Variants in ATRNL1 observed in about 807,000 individuals in gnomAD.
ATRNL1 encodes attractin like 1, also known as attractin-like protein 1.
ATRNL1 carries 95 observed loss-of-function variants against 182.7 expected under a neutral mutation model. The ratio of observed to expected loss-of-function variants is 0.52; its 90% CI spans 0.44 to 0.62. The LOEUF (loss-of-function observed/expected upper bound fraction) is 0.62, where lower values mean the gene tolerates loss of function less well. Among genes scored for constraint, ATRNL1 ranks in the 20% least tolerant of loss-of-function variants. The pLI is 0.00. For missense variants in ATRNL1, 1,471 were observed against 1,679.5 expected, an observed-to-expected ratio of 0.88 and a Z score of 2.17; for synonymous variants, 576 against 568.3, an observed-to-expected ratio of 1.01 and a Z score of -0.19.
intron 26 of ATRNL1, among the ~76,000 whole-genome samples, chr10:115,689,736 C>T (rs1326103374): frequency 6.6e-6 from 1 of 152,142 alleles, no homozygotes; most frequent in Admixed American, 6.5e-5. Flanking sequence ...AGTCAGAGAT[C>T]ACCATTCACA....
At chr10:115,345,693 T>A (rs1208311564) in intron 19 of ATRNL1, among the ~76,000 whole-genome samples, 1 of 152,198 alleles carries the variant, frequency 6.6e-6, no homozygotes. Flanking sequence ...TGTGTCTCTA[T>A]CACCTTTATC....
intron 18 of ATRNL1, among the ~76,000 whole-genome samples, chr10:115,325,290 A>G (rs1554932828): frequency 6.6e-6 from 1 of 152,142 alleles, no homozygotes; most frequent in African/African-American, 2.4e-5. Context: ...GAACCTTTCA[A>G]GCAACAATGT....
intron 21 of ATRNL1, among the ~76,000 whole-genome samples, chr10:115,442,072 A>G (rs1169727486): frequency 2.6e-5 from 4 of 152,066 alleles, no homozygotes; most frequent in African/African-American, 7.2e-5. Flanking sequence ...ACATTCTCCA[A>G]TCGGCCACCA....
chr10:115,140,546 AGAGAACAGT>A (rs1564768632), intron 5 of ATRNL1, among the ~76,000 whole-genome samples: 1 of 152,170 alleles, frequency 6.6e-6, no homozygotes, highest in Admixed American at 6.5e-5. Flanking sequence ...CCTATTCTAC[AGAGAACAGT>A]GAAAAACAGG....
intron 19 of ATRNL1, among the ~76,000 whole-genome samples, chr10:115,350,693 A>C (rs539818551): frequency 2.0e-4 from 31 of 152,266 alleles, no homozygotes; most frequent in African/African-American, 7.5e-4. Context: ...ATTCGAAGTC[A>C]GGTAATATGC....
intron 26 of ATRNL1, among the ~76,000 whole-genome samples, chr10:115,565,212 G>C (rs927152087): frequency 2.0e-5 from 3 of 151,892 alleles, no homozygotes; most frequent in African/African-American, 7.3e-5. Flanking sequence ...AGTAATATAA[G>C]GAAAATGACT....
chr10:115,377,320 T>C (rs1358785959), intron 19 of ATRNL1, among the ~76,000 whole-genome samples: 1 of 152,140 alleles, frequency 6.6e-6, no homozygotes, highest in Non-Finnish European at 1.5e-5. Context: ...TGGCTCTCCT[T>C]CTGTCTTGCT....
chr10:115,223,929 A>ATATATTTTTTTT lies in ATRNL1; in HGVS notation c.1532+8050_1532+8051insATATTTTTTTTT, dbSNP rs1420143943. On this transcript the variant is annotated intron_variant, in intron 9 of 28. Transcript: ENST00000355044. ...TGTGTGTGTGTATATATATATATAT[A>ATATATTTTTTTT]TTTTTTTTTTTTTTTTTTTTCTTTG... is the stretch of plus-strand genomic sequence containing the variant. Among the ~76,000 whole-genome samples the ATATATTTTTTTT allele has an allele frequency of 4.1e-3, 184 of 44,724 alleles. 2 individuals are homozygous for ATATATTTTTTTT. The highest frequency in any genetic ancestry group is 7.6e-3 in the African/African-American group (82 of 10,852). The allele number at this position is 44,724 out of a possible 152,430, so 29.3% of individuals were successfully genotyped here.
chr10:115,258,394 T>C (rs1001335765), intron 10 of ATRNL1, among the ~76,000 whole-genome samples: 1 of 152,148 alleles, frequency 6.6e-6, no homozygotes, highest in Non-Finnish European at 1.5e-5. Flanking sequence ...TTTCTTCTAC[T>C]TGATTGAATC....
intron 13 of ATRNL1, among the ~76,000 whole-genome samples, chr10:115,273,722 C>A (rs1851975717): frequency 6.6e-6 from 1 of 152,190 alleles, no homozygotes; most frequent in African/African-American, 2.4e-5. Context: ...TCTTCTCTTC[C>A]TCTGTCAAGT....
At chr10:115,176,214 C>T (rs372341641) in intron 8 of ATRNL1, among the ~76,000 whole-genome samples, 4 of 151,734 alleles carry the variant, frequency 2.6e-5, no homozygotes, top group Admixed American at 6.6e-5. Context: ...TAGCCCTTTG[C>T]CAGATGAGTA....
intron 26 of ATRNL1, among the ~76,000 whole-genome samples, chr10:115,702,469 C>G (rs1946768436): frequency 6.6e-6 from 1 of 151,860 alleles, no homozygotes. Context: ...AAGAATAAGT[C>G]AAATTATCTC....
At chr10:115,871,518 G>T (rs1951586197) in intron 28 of ATRNL1, among the ~76,000 whole-genome samples, 2 of 143,634 alleles carry the variant, frequency 1.4e-5, no homozygotes, top group Admixed American at 7.0e-5. Context: ...TTTTGACAAT[G>T]AACCATTTGA....
intron 26 of ATRNL1, among the ~76,000 whole-genome samples, chr10:115,681,782 C>A (rs143093023): frequency 3.4e-4 from 51 of 152,180 alleles, no homozygotes; most frequent in African/African-American, 1.2e-3. Flanking sequence ...TAAAAAAGAA[C>A]TTTCATGTAA....
At chr10:115,506,875 C>G (rs782425879) in intron 24 of ATRNL1, among the ~76,000 whole-genome samples, 3 of 152,050 alleles carry the variant, frequency 2.0e-5, no homozygotes, top group Admixed American at 6.6e-5. Context: ...TGTGAACCCC[C>G]AAAATCTGAG....
chr10:115,137,624 A>C (rs1346141559), intron 5 of ATRNL1, among the ~76,000 whole-genome samples: 12 of 152,200 alleles, frequency 7.9e-5, no homozygotes, highest in Admixed American at 7.9e-4. Context: ...TAAAACCATC[A>C]GATCTTGTGA....
intron 26 of ATRNL1, among the ~76,000 whole-genome samples, chr10:115,635,796 C>T (rs1163794568): frequency 2.0e-5 from 3 of 152,056 alleles, no homozygotes; most frequent in Non-Finnish European, 4.4e-5. Flanking sequence ...CACAATCAGA[C>T]ACTGTACAGG....
chr10:115,422,824 A>T (rs1321441571), intron 20 of ATRNL1, among the ~76,000 whole-genome samples: 1 of 152,216 alleles, frequency 6.6e-6, no homozygotes, highest in Non-Finnish European at 1.5e-5. Context: ...CATTTTGTAC[A>T]TACGAACATA....
At chr10:115,238,416 G>A (rs1554902008) in intron 9 of ATRNL1, among the ~76,000 whole-genome samples, 1 of 151,992 alleles carries the variant, frequency 6.6e-6, no homozygotes, top group African/African-American at 2.4e-5. Flanking sequence ...TAGATTTTTG[G>A]TTTCTTTTAT....
Sources: gnomAD v4.1 joint callset for allele counts (sites outside exome capture counted in the v4.1 genomes callset) on GRCh38, gnomAD v4.1.1 for gene constraint, MANE v1.5 for transcripts, NCBI Gene and HGNC (gene_info 2026-07-23, HGNC 2026-07-21) for gene names.